WDR33: variants seen among roughly 807,000 people sequenced by gnomAD.
WDR33 encodes the protein WD repeat domain 33, also known as pre-mRNA 3' end processing protein WDR33.
A neutral mutation model predicts 164.9 loss-of-function variants in WDR33; 47 were observed. The observed-to-expected ratio is 0.29, with a 90% CI of 0.23 to 0.36. WDR33 has a LOEUF of 0.36. Ranked by LOEUF, WDR33 falls within the 10% of genes least tolerant of loss-of-function variation. WDR33 has a pLI of 1.00. For missense variants in WDR33, 1,137 were observed against 1,754.1 expected (o/e 0.65, Z 6.28); for synonymous variants, 505 against 589.0 (o/e 0.86, Z 2.06).
intron 1 of WDR33, among the ~76,000 whole-genome samples, chr2:127,788,290 G>A (rs1246834555): frequency 7.9e-4 from 92 of 117,012 alleles, no homozygotes; most frequent in Non-Finnish European, 9.3e-4. Flanking sequence ...CCGGCCGGGC[G>A]GGGGGCTGAC....
chr2:127,740,723 G>A (rs1686990435), intron 7 of WDR33, among the ~76,000 whole-genome samples: 1 of 152,180 alleles, frequency 6.6e-6, no homozygotes, highest in South Asian at 2.1e-4. Flanking sequence ...CAGGAAAGAG[G>A]TAAGGAAGAT....
chr2:127,768,843 A>T, intron 3 of WDR33, 90 bp downstream of exon 3: 1 of 850,208 alleles, frequency 1.2e-6, no homozygotes, highest in Non-Finnish European at 1.9e-6. Flanking sequence ...AAAAGAAAAG[A>T]CCATTTTGGA....
chr2:127,744,161 T>C (rs1271275079), intron 7 of WDR33, among the ~76,000 whole-genome samples: 7 of 152,346 alleles, frequency 4.6e-5, no homozygotes, highest in African/African-American at 9.6e-5. Flanking sequence ...AACTTCATCG[T>C]TGATGACTTC....
At position 127,717,322 on chromosome 2, in the gene WDR33, T is replaced by C. The variant is rs1686325959; in HGVS notation, c.2761-59A>G. ...TCACAGGCTTGAGCTACATAAATAGTGATTGCATTATAACATGACAAGATA... is the reference window on the plus strand; with the variant it reads ...TCACAGGCTTGAGCTACATAAATAGCGATTGCATTATAACATGACAAGATA... On this transcript the variant is annotated intron_variant, in intron 16 of 21. Coordinates refer to ENST00000322313, the MANE Select transcript of WDR33 (RefSeq NM_018383.5). This position sits in a 1 kb window ranked among gnomAD's most constrained non-coding sequence, Gnocchi z 5.6. 5 of 1,358,766 alleles carry C rather than the reference T, an allele frequency of 3.7e-6. No individual in the cohort carries two copies. The highest frequency in any genetic ancestry group is 4.9e-6 in the Non-Finnish European group (5 of 1,012,734). The allele number at this position is 1,358,766 out of a possible 1,614,324, so 84.2% of individuals were successfully genotyped here.
rs555598786 is a variant in WDR33 at position 127,775,645 on chromosome 2, C to CA, written c.-23-4642dup. On this transcript the variant is annotated intron_variant, in intron 1 of 21. Coordinates refer to ENST00000322313, the MANE Select transcript of WDR33 (RefSeq NM_018383.5). The stretch of plus-strand genomic sequence containing the variant: ...TGAGGAAAATGACTGAAGTCAAATG[C>CA]AAAAAAAGTATTGTTACTTACACTC... 2.5e-4 allele frequency among the ~76,000 whole-genome samples: 38 copies of CA among 151,892 alleles called. No individual in the cohort carries two copies. In the South Asian group the frequency reaches 7.5e-3, roughly 30 times the overall value.
rs1434138977 is a variant in WDR33 at position 127,738,032 on chromosome 2, A to T, written c.725-11255T>A. 6.2e-7 allele frequency: 1 copy of T among 1,613,018 alleles called. No individual in the cohort carries two copies. Among genetic ancestry groups the T allele is most frequent in the Non-Finnish European group, 8.5e-7 (1 of 1,179,590 alleles). ...ACCTCTTGACAGAAAGGAAGTAACA[A>T]CGGCAGTGATGAAAACATGTATCTA... On this transcript the variant is annotated intron_variant, in intron 7 of 21. Transcript: ENST00000322313. The surrounding 1 kb of genome is among the most constrained non-coding windows in gnomAD (Gnocchi z 4.4).
At position 127,722,814 on chromosome 2, in the gene WDR33, A is replaced by G; in HGVS notation, c.1379-84T>C. 1 of 1,475,810 alleles carries G rather than the reference A, an allele frequency of 6.8e-7. No homozygotes were observed. The highest frequency in any genetic ancestry group is 9.2e-7 in the Non-Finnish European group (1 of 1,087,378). The allele number at this position is 1,475,810 out of a possible 1,614,324, so 91.4% of individuals were successfully genotyped here. A position where few individuals can be genotyped will look rare whatever the true frequency, so the allele number is the denominator to read the frequency against. The stretch of plus-strand genomic sequence containing the variant: ...AATGAACACATTATTGGAAGAATAG[A>G]TTTTAAGTATTATGTCATTTATATA... On this transcript the variant is annotated intron_variant, in intron 13 of 21. Transcript: ENST00000322313. This position sits in a 1 kb window ranked among gnomAD's most constrained non-coding sequence, Gnocchi z 5.1.
At chr2:127,740,789 T>G (rs547662032) in intron 7 of WDR33, among the ~76,000 whole-genome samples, 1 of 152,338 alleles carries the variant, frequency 6.6e-6, no homozygotes, top group South Asian at 2.1e-4. Context: ...AAATCATGAT[T>G]TAATACTAAG....
At position 127,719,445 on chromosome 2, in the gene WDR33, A is replaced by T. The variant is rs1573884847; in HGVS notation, c.2580T>A (p.Ser860Arg). Residue 860 changes from serine to arginine, a missense_variant, in exon 16 of 22, where the codon AGT becomes AGA. Ser to Arg is a moderately radical substitution (Grantham distance 110). Transcript: ENST00000322313. This position sits in a 1 kb window ranked among gnomAD's most constrained non-coding sequence, Gnocchi z 6.5. Reference sequence around the variant, plus strand: ...AAGAGCCCTGGGGCGGCCCCTGCTGACTTTGTGAGCCTGGAGGCCCTCGCA... The same window carrying T: ...AAGAGCCCTGGGGCGGCCCCTGCTGTCTTTGTGAGCCTGGAGGCCCTCGCA... ...QELRGPPGSQ[S>R]QQGPPQGSLG... The T allele has an allele frequency of 6.4e-7, 1 of 1,569,948 alleles. No individual in the cohort carries two copies. Among genetic ancestry groups the T allele is most frequent in the Non-Finnish European group, 8.6e-7 (1 of 1,156,854 alleles).
chr2:127,753,262 C>G (rs1265964620), intron 7 of WDR33, among the ~76,000 whole-genome samples: 1 of 152,196 alleles, frequency 6.6e-6, no homozygotes. Flanking sequence ...ATTCTAAGTT[C>G]ATATCTGTTG....
intron 1 of WDR33, among the ~76,000 whole-genome samples, chr2:127,785,096 AT>A (rs1201097327): frequency 6.6e-5 from 10 of 152,290 alleles, no homozygotes; most frequent in South Asian, 2.1e-4. Context: ...TTCAAAAAAA[AT>A]ATTTGTCGTG....
rs1244392488 is a variant in WDR33, at chr2:127,769,032, AATAAATAG to A, written c.205-39_205-32del. 3 of 1,251,324 alleles carry A rather than the reference AATAAATAG, an allele frequency of 2.4e-6. No homozygotes were observed. The African/African-American group carries it at 4.8e-5, about 20-fold the overall frequency. 77.5% of individuals were successfully genotyped at this position (1,251,324 alleles called of 1,614,324 possible). A position where few individuals can be genotyped will look rare whatever the true frequency, so the allele number is the denominator to read the frequency against. On this transcript the variant is annotated intron_variant, in intron 2 of 21. Coordinates refer to ENST00000322313, the MANE Select transcript of WDR33 (RefSeq NM_018383.5). Reference sequence around the variant, plus strand: ...AAATAAATAAATAAATAAATAAATAAATAAATAGATCAATTAATGACTATATGGTCTGA... The same window carrying A: ...AAATAAATAAATAAATAAATAAATAAATCAATTAATGACTATATGGTCTGA...
At chr2:127,771,482 G>C (rs1415876494) in intron 1 of WDR33, among the ~76,000 whole-genome samples, 1 of 152,106 alleles carries the variant, frequency 6.6e-6, no homozygotes, top group African/African-American at 2.4e-5. Flanking sequence ...TCATTTTGTG[G>C]TGCATGACTA....
chr2:127,709,426 G>A lies in WDR33; in HGVS notation c.3565+64C>T, dbSNP rs1686098088. On this transcript the variant is annotated intron_variant, in intron 20 of 21. Coordinates refer to ENST00000322313, the MANE Select transcript of WDR33 (RefSeq NM_018383.5). This position sits in a 1 kb window ranked among gnomAD's most constrained non-coding sequence, Gnocchi z 5.0. ...GGAGACCCGGTGCACCCCAGAGAGGGCCCTCAGAACTCACTTTGTGAACTG... is the reference window on the plus strand; with the variant it reads ...GGAGACCCGGTGCACCCCAGAGAGGACCCTCAGAACTCACTTTGTGAACTG... 1 of 1,514,414 alleles carries A rather than the reference G, an allele frequency of 6.6e-7. No homozygotes were observed. The highest frequency in any genetic ancestry group is 2.3e-5 in the East Asian group (1 of 43,946). The allele number at this position is 1,514,414 out of a possible 1,614,324, so 93.8% of individuals were successfully genotyped here.
rs913651320 is a variant in WDR33 at position 127,702,302 on chromosome 2, G to T, written c.*4021C>A. The stretch of plus-strand genomic sequence containing the variant: ...GGCGAAGGCCCTGCCCTAACAGCCT[G>T]CGAGTCTAATCCGGGAGCGGCTGCT... On this transcript the variant is annotated 3_prime_UTR_variant, in exon 22 of 22. Transcript: ENST00000322313. 1 of 998,866 alleles carries T rather than the reference G, an allele frequency of 1.0e-6. No homozygotes were observed. The highest frequency in any genetic ancestry group is 1.3e-6 in the Non-Finnish European group (1 of 787,190). The allele number at this position is 998,866 out of a possible 1,614,324, so 61.9% of individuals were successfully genotyped here.
intron 1 of WDR33, among the ~76,000 whole-genome samples, chr2:127,776,743 C>T (rs1688195678): frequency 6.6e-6 from 1 of 152,146 alleles, no homozygotes; most frequent in Non-Finnish European, 1.5e-5. Flanking sequence ...ATAGCTTTCT[C>T]TGAGAGCAGA....
At position 127,763,357 on chromosome 2, in the gene WDR33, TTTGAG is replaced by T; in HGVS notation, c.627-203_627-199del. 2.9e-6 allele frequency: 4 copies of T among 1,399,576 alleles called. No homozygotes were observed. Among genetic ancestry groups the T allele is most frequent in the Non-Finnish European group, 3.7e-6 (4 of 1,077,304 alleles). 86.7% of individuals were successfully genotyped at this position (1,399,576 alleles called of 1,614,324 possible). A position where few individuals can be genotyped will look rare whatever the true frequency, so the allele number is the denominator to read the frequency against. On this transcript the variant is annotated intron_variant, in intron 6 of 21. Transcript: ENST00000322313. This position sits in a 1 kb window ranked among gnomAD's most constrained non-coding sequence, Gnocchi z 4.5. ...AAAGAAGACTTCAACAGAGCAGTTG[TTTGAG>T]TTTTCAATCATCAGTATTCTGAGAA...
At chr2:127,775,840 A>G (rs1301277179) in intron 1 of WDR33, among the ~76,000 whole-genome samples, 1 of 152,168 alleles carries the variant, frequency 6.6e-6, no homozygotes, top group Non-Finnish European at 1.5e-5. Context: ...GGTGTTTCAG[A>G]AATAAAGGTC....
intron 1 of WDR33, among the ~76,000 whole-genome samples, chr2:127,807,818 C>T (rs1023206077): frequency 5.9e-5 from 9 of 152,244 alleles, no homozygotes; most frequent in African/African-American, 2.2e-4. Flanking sequence ...AACGTGCTCA[C>T]AAAGAGCTGG....
Sources: allele counts gnomAD v4.1 joint callset (sites outside exome capture counted in the v4.1 genomes callset), GRCh38; gene constraint gnomAD v4.1.1; non-coding constraint Gnocchi (gnomAD v3.1); transcripts MANE v1.5; gene names NCBI Gene and HGNC (gene_info 2026-07-23, HGNC 2026-07-21).